The following FGF12 variants were observed in gnomAD, a reference collection of about 807,000 sequenced individuals.
The protein encoded by FGF12 is fibroblast growth factor 12.
FGF12 carries 14 observed loss-of-function variants against 23.6 expected under a neutral mutation model. That is an observed-to-expected ratio of 0.59 (90% CI 0.39 to 0.93). The LOEUF (loss-of-function observed/expected upper bound fraction) is 0.93. Among genes scored for constraint, FGF12 ranks in the 40% least tolerant of loss-of-function variants. The pLI, the probability that FGF12 is intolerant of heterozygous loss-of-function variation, is 0.00. For synonymous variants in FGF12, 62 were observed against 77.3 expected, an observed-to-expected ratio of 0.80 and a Z score of 1.04; for missense variants, 175 against 217.8, an observed-to-expected ratio of 0.80 and a Z score of 1.24.
intron 2 of FGF12, among the ~76,000 whole-genome samples, chr3:192,371,608 T>A (rs1277721725): frequency 6.6e-6 from 1 of 152,228 alleles, no homozygotes; most frequent in Non-Finnish European, 1.5e-5. Flanking sequence ...AGTTAAACAG[T>A]AGCAATGGGC....
intron 2 of FGF12, among the ~76,000 whole-genome samples, chr3:192,563,215 T>C (rs374783825): frequency 6.6e-6 from 1 of 152,232 alleles, no homozygotes; most frequent in East Asian, 1.9e-4. Flanking sequence ...TAATGGAATA[T>C]TATTAAAAAG....
intron 4 of FGF12, among the ~76,000 whole-genome samples, chr3:192,296,500 A>C (rs1715051057): frequency 6.6e-6 from 1 of 152,168 alleles, no homozygotes; most frequent in Non-Finnish European, 1.5e-5. Flanking sequence ...GTGGGATTAC[A>C]TGTGTGAGAC....
intron 2 of FGF12, among the ~76,000 whole-genome samples, chr3:192,555,942 A>T (rs952379442): frequency 6.6e-6 from 1 of 152,226 alleles, no homozygotes; most frequent in African/African-American, 2.4e-5. Context: ...AGCTAAAAAG[A>T]GATTGTTACA....
chr3:192,444,877 T>C (rs1722305438), intron 2 of FGF12, among the ~76,000 whole-genome samples: 1 of 152,222 alleles, frequency 6.6e-6, no homozygotes, highest in South Asian at 2.1e-4. Context: ...GCAGGAGAAA[T>C]ATCTGTACGG....
chr3:192,143,648 C>A lies in FGF12; in HGVS notation c.*361G>T, dbSNP rs185144767. 2.1e-3 allele frequency: 350 copies of A among 169,200 alleles called. No homozygotes were observed. The highest frequency in any genetic ancestry group is 7.9e-3 in the African/African-American group (333 of 41,964). The allele number at this position is 169,200 out of a possible 1,614,324, so 10.5% of individuals were successfully genotyped here. On this transcript the variant is annotated 3_prime_UTR_variant, in exon 6 of 6. Coordinates refer to ENST00000445105, the MANE Select transcript of FGF12 (RefSeq NM_004113.6). The stretch of plus-strand genomic sequence containing the variant: ...AGTTTGTGAGTTCAATTCTCCAAAT[C>A]CTTTCCTTTAAAGTAATAAGTTTAT...
chr3:192,287,124 T>G lies in FGF12; in HGVS notation c.228+48237A>C, dbSNP rs565396383. On this transcript the variant is annotated intron_variant, in intron 4 of 5. Coordinates refer to ENST00000445105, the MANE Select transcript of FGF12 (RefSeq NM_004113.6). The stretch of plus-strand genomic sequence containing the variant: ...TACTAACCTTTTTTCTCCAAATAAA[T>G]TTTGTCAATCTCCCTGTTTCTTTTT... 6.6e-5 allele frequency among the ~76,000 whole-genome samples: 10 copies of G among 152,188 alleles called. No homozygotes were observed. In the South Asian group the frequency reaches 2.1e-3, roughly 31 times the overall value.
chr3:192,366,067 T>C (rs1718972474), intron 2 of FGF12, among the ~76,000 whole-genome samples: 3 of 151,718 alleles, frequency 2.0e-5, no homozygotes, highest in Non-Finnish European at 4.4e-5. Context: ...AACACACTGA[T>C]GAGTTCAGAC....
chr3:192,520,272 C>T (rs1724784640), intron 2 of FGF12, among the ~76,000 whole-genome samples: 1 of 152,188 alleles, frequency 6.6e-6, no homozygotes, highest in South Asian at 2.1e-4. Flanking sequence ...AATCCTAAGT[C>T]AATACCACCA....
intron 5 of FGF12, among the ~76,000 whole-genome samples, chr3:192,161,330 G>A (rs1714862570): frequency 6.6e-6 from 1 of 152,104 alleles, no homozygotes; most frequent in East Asian, 1.9e-4. Flanking sequence ...AACTTGTAGA[G>A]TTGCTGTCCT....
chr3:192,625,028 C>T lies in FGF12; in HGVS notation c.13+102153G>A, dbSNP rs189512689. On this transcript the variant is annotated intron_variant, in intron 2 of 5. Coordinates refer to ENST00000445105, the MANE Select transcript of FGF12 (RefSeq NM_004113.6). ...AATAGTCCATATAGCACATTAAAAG[C>T]TTTGTTATGTTTCAAATATATAGGA... is the stretch of plus-strand genomic sequence containing the variant. Among the ~76,000 whole-genome samples, 256 of 152,150 alleles carry T rather than the reference C, an allele frequency of 1.7e-3. 2 individuals carry two copies. The highest frequency in any genetic ancestry group is 5.8e-3 in the African/African-American group (243 of 41,550).
intron 2 of FGF12, among the ~76,000 whole-genome samples, chr3:192,622,751 T>G (rs984562474): frequency 1.3e-5 from 2 of 152,184 alleles, no homozygotes; most frequent in African/African-American, 4.8e-5. Flanking sequence ...TTTCTCACTT[T>G]TCTTCATCAG....
intron 2 of FGF12, among the ~76,000 whole-genome samples, chr3:192,382,630 T>A (rs1719868416): frequency 1.3e-5 from 2 of 152,196 alleles, no homozygotes; most frequent in Non-Finnish European, 2.9e-5. Context: ...TTTGCTATAA[T>A]ATAGAGCAAG....
At chr3:192,697,742 TCA>T (rs552858613) in intron 2 of FGF12, among the ~76,000 whole-genome samples, 232 of 152,316 alleles carry the variant, frequency 1.5e-3, no homozygotes, top group African/African-American at 5.4e-3. Flanking sequence ...TTCACTGACT[TCA>T]CTGGCTTCCT....
At chr3:192,705,542 T>A (rs963826642) in intron 2 of FGF12, among the ~76,000 whole-genome samples, 9 of 152,226 alleles carry the variant, frequency 5.9e-5, no homozygotes, top group African/African-American at 2.2e-4. Context: ...ACATACAACA[T>A]TTATGGATTA....
At chr3:192,597,666 A>G (rs1032671857) in intron 2 of FGF12, among the ~76,000 whole-genome samples, 3 of 152,136 alleles carry the variant, frequency 2.0e-5, no homozygotes, top group African/African-American at 7.2e-5. Context: ...GAAAGAGAAG[A>G]AAAGTCGGAG....
rs1324563641 is a variant in FGF12, at chr3:192,224,094, G to C, written c.229-53438C>G. ...GGGTAGGGATTTTGTAAGATACCTG[G>C]AGAGTTGTTGCAGTGTTTTCTGAAA... On this transcript the variant is annotated intron_variant, in intron 4 of 5. Coordinates refer to ENST00000445105, the MANE Select transcript of FGF12 (RefSeq NM_004113.6). Among the ~76,000 whole-genome samples the C allele has an allele frequency of 2.0e-5, 3 of 152,058 alleles. No individual in the cohort carries two copies. In the East Asian group the frequency reaches 5.8e-4, roughly 29 times the overall value.
chr3:192,680,423 G>A (rs138596072), intron 2 of FGF12, among the ~76,000 whole-genome samples: 5 of 152,322 alleles, frequency 3.3e-5, no homozygotes, highest in East Asian at 3.9e-4. Flanking sequence ...AGGAAAGCAG[G>A]TGGTGGTGGC....
chr3:192,199,764 C>G (rs1717263914), intron 4 of FGF12, among the ~76,000 whole-genome samples: 1 of 152,174 alleles, frequency 6.6e-6, no homozygotes, highest in African/African-American at 2.4e-5. Context: ...CCTCCCTCCT[C>G]CTCCCACTCT....
In FGF12 at chr3:192,360,681, G is replaced by GT; in HGVS notation, c.14-144dup. ...ATGTATTTGGGAGTTGGGTGTTTCA[G>GT]TAACATATCTATGCTTTTTTTTTTC... On this transcript the variant is annotated intron_variant, in intron 2 of 5. Coordinates refer to ENST00000445105, the MANE Select transcript of FGF12 (RefSeq NM_004113.6). The surrounding 1 kb of genome is among the most constrained non-coding windows in gnomAD (Gnocchi z 4.3). The GT allele has an allele frequency of 1.6e-6, 1 of 630,684 alleles. No individual in the cohort carries two copies. The highest frequency in any genetic ancestry group is 2.8e-6 in the Non-Finnish European group (1 of 351,306). 39.1% of individuals were successfully genotyped at this position (630,684 alleles called of 1,614,324 possible). A position where few individuals can be genotyped will look rare whatever the true frequency, so the allele number is the denominator to read the frequency against.
Sources: allele counts gnomAD v4.1 joint callset (sites outside exome capture counted in the v4.1 genomes callset), GRCh38; gene constraint gnomAD v4.1.1; non-coding constraint Gnocchi (gnomAD v3.1); transcripts MANE v1.5; gene names NCBI Gene and HGNC (gene_info 2026-07-23, HGNC 2026-07-21).